The following NTM variants were observed in gnomAD, a reference collection of about 807,000 sequenced individuals.
NTM encodes the protein neurotrimin, also known as IgLON family member 2.
In NTM, 13 loss-of-function variants were observed where a neutral mutation model predicts 42.1. That is an observed-to-expected ratio of 0.31 (90% CI 0.20 to 0.49). The LOEUF is 0.49. Among genes scored for constraint, NTM ranks in the 20% least tolerant of loss-of-function variants. NTM has a pLI of 0.99. For missense variants in NTM, 373 were observed against 452.8 expected, an observed-to-expected ratio of 0.82 and a Z score of 1.60; for synonymous variants, 187 against 179.2, an observed-to-expected ratio of 1.04 and a Z score of -0.35.
intron 1 of NTM, chr11:131,796,249 C>T (rs73595140): frequency 1.2e-5 from 10 of 828,554 alleles, no homozygotes; most frequent in Admixed American, 6.2e-5. Context: ...TGCACAGGTG[C>T]GGCCCAGCCC....
chr11:131,541,443 A>G (rs375484392), intron 1 of NTM, among the ~76,000 whole-genome samples: 4 of 152,248 alleles, frequency 2.6e-5, no homozygotes, highest in African/African-American at 9.6e-5. Flanking sequence ...CCTACAATAC[A>G]TAAAGAGAGT....
intron 1 of NTM, chr11:131,769,619 A>T (rs1205188604): frequency 1.0e-6 from 1 of 975,010 alleles, no homozygotes; most frequent in Non-Finnish European, 1.2e-6. Context: ...GCTCCACACA[A>T]TCCTGCCTGT....
Position 131,606,958 on chromosome 11 carries a change from T to C in NTM, c.82+236070T>C, listed in dbSNP as rs113938383. ...TTTTACCACCCTGGAGTTAAGTCTG[T>C]CCATTTCTCAGCCTCCTCCTCCTGA... On this transcript the variant is annotated intron_variant, in intron 1 of 8. Coordinates refer to ENST00000683400, the MANE Select transcript of NTM (RefSeq NM_001352005.2). Among the ~76,000 whole-genome samples, 142 of 152,320 alleles carry C rather than the reference T, an allele frequency of 9.3e-4. 2 individuals are homozygous for C. Among genetic ancestry groups the C allele is most frequent in the African/African-American group, 3.4e-3 (140 of 41,582 alleles).
intron 2 of NTM, among the ~76,000 whole-genome samples, chr11:131,926,493 A>G (rs2138363702): frequency 6.6e-6 from 1 of 152,106 alleles, no homozygotes; most frequent in South Asian, 2.1e-4. Flanking sequence ...AGTATCGGCA[A>G]GTGGAATGAC....
intron 4 of NTM, among the ~76,000 whole-genome samples, chr11:132,213,730 CTTT>C (rs59685389): frequency 1.2e-5 from 1 of 80,534 alleles, no homozygotes; most frequent in Non-Finnish European, 2.5e-5. Flanking sequence ...GGCCACCATT[CTTT>C]TTTTTTTTTT....
intron 2 of NTM, among the ~76,000 whole-genome samples, chr11:132,138,333 G>T (rs2068359042): frequency 1.3e-5 from 2 of 152,292 alleles, no homozygotes; most frequent in African/African-American, 2.4e-5. Flanking sequence ...GCAGAGAAAA[G>T]CTTGCCGGTA....
At chr11:131,684,954 G>T (rs987223510) in intron 1 of NTM, among the ~76,000 whole-genome samples, 3 of 152,234 alleles carry the variant, frequency 2.0e-5, no homozygotes, top group African/African-American at 7.2e-5. Context: ...ACGTGAATCT[G>T]TTCTGTGGAC....
intron 1 of NTM, among the ~76,000 whole-genome samples, chr11:131,675,223 T>G (rs1218020427): frequency 6.6e-6 from 1 of 152,244 alleles, no homozygotes; most frequent in Non-Finnish European, 1.5e-5. Flanking sequence ...TACACTGTTT[T>G]ATTAAGTATA....
At chr11:131,733,481 T>A (rs960454148) in intron 1 of NTM, among the ~76,000 whole-genome samples, 1 of 146,038 alleles carries the variant, frequency 6.8e-6, no homozygotes, top group African/African-American at 2.6e-5. Context: ...CTTCCTTCCT[T>A]CCTTCCTTCC....
intron 4 of NTM, among the ~76,000 whole-genome samples, chr11:132,287,196 G>T (rs2094276931): frequency 6.6e-6 from 1 of 152,096 alleles, no homozygotes; most frequent in Non-Finnish European, 1.5e-5. Context: ...AGTCCTGGTG[G>T]GTGTAAAGCT....
At chr11:131,510,293 T>C (rs2048061285) in intron 1 of NTM, among the ~76,000 whole-genome samples, 1 of 152,208 alleles carries the variant, frequency 6.6e-6, no homozygotes, top group Non-Finnish European at 1.5e-5. Context: ...CCTGGCTCCC[T>C]GGCCCTGTAC....
intron 4 of NTM, among the ~76,000 whole-genome samples, chr11:132,244,320 G>A (rs2090714033): frequency 6.6e-6 from 1 of 152,170 alleles, no homozygotes; most frequent in South Asian, 2.1e-4. Context: ...TCTGCCTATG[G>A]GTTTTTATTG....
intron 1 of NTM, among the ~76,000 whole-genome samples, chr11:131,547,009 A>G (rs934102657): frequency 6.6e-6 from 1 of 152,098 alleles, no homozygotes; most frequent in African/African-American, 2.4e-5. Context: ...GCCCTCCTCC[A>G]ACCTCCTCTT....
rs917916239 is a variant in NTM, at chr11:131,810,864, G to T, written c.83-100700G>T. 2.6e-5 allele frequency among the ~76,000 whole-genome samples: 4 copies of T among 152,286 alleles called. No individual in the cohort carries two copies. In the East Asian group the frequency reaches 7.7e-4, roughly 29 times the overall value. On this transcript the variant is annotated intron_variant, in intron 1 of 8. Transcript: ENST00000683400. The stretch of plus-strand genomic sequence containing the variant: ...ATTTCCCTGCCGAAAAATAAAGCAT[G>T]GGCATCATCTAGTCTAGTGGATTTC...
intron 1 of NTM, among the ~76,000 whole-genome samples, chr11:131,778,224 G>T (rs995661337): frequency 6.6e-6 from 1 of 152,214 alleles, no homozygotes; most frequent in African/African-American, 2.4e-5. Context: ...GAAACCCGTG[G>T]TGATAGTTGG....
chr11:131,850,749 T>C (rs760237144), intron 1 of NTM, among the ~76,000 whole-genome samples: 2 of 152,190 alleles, frequency 1.3e-5, no homozygotes, highest in Non-Finnish European at 2.9e-5. Context: ...TTGGCTGCGA[T>C]TGTCTCGTCG....
At chr11:131,687,704 A>T (rs2074080651) in intron 1 of NTM, among the ~76,000 whole-genome samples, 1 of 152,196 alleles carries the variant, frequency 6.6e-6, no homozygotes, top group Admixed American at 6.5e-5. Context: ...TGCTCCTCAA[A>T]GAACAAAACC....
intron 1 of NTM, among the ~76,000 whole-genome samples, chr11:131,454,664 T>C (rs1950736686): frequency 6.6e-6 from 1 of 152,078 alleles, no homozygotes; most frequent in African/African-American, 2.4e-5. Context: ...TTTAAGGAAG[T>C]TGTCTTCACA....
intron 1 of NTM, among the ~76,000 whole-genome samples, chr11:131,802,562 C>T (rs543241582): frequency 6.6e-6 from 1 of 152,246 alleles, no homozygotes; most frequent in African/African-American, 2.4e-5. Context: ...AGAAGGATTG[C>T]CTGGTAAGTG....
Sources: gnomAD v4.1 joint callset for allele counts (sites outside exome capture counted in the v4.1 genomes callset) on GRCh38, gnomAD v4.1.1 for gene constraint, MANE v1.5 for transcripts, NCBI Gene and HGNC (gene_info 2026-07-23, HGNC 2026-07-21) for gene names.